Variants in FRMD4A observed in about 807,000 individuals in gnomAD.
The protein encoded by FRMD4A is FERM domain containing 4A.
Under a neutral mutation model 129.1 loss-of-function variants are expected in FRMD4A, and 29 were observed. The observed-to-expected ratio is 0.22, with a 90% CI of 0.17 to 0.31. The LOEUF (loss-of-function observed/expected upper bound fraction) is 0.31. Ranked by LOEUF, FRMD4A falls within the 10% of genes least tolerant of loss-of-function variation. The probability of loss-of-function intolerance (pLI) is 1.00; values close to 1 mark genes in which losing one functional copy is unlikely to be tolerated. For missense variants in FRMD4A, 1,272 were observed against 1,375.8 expected (o/e 0.92, Z 1.19); for synonymous variants, 634 against 571.6 (o/e 1.11, Z -1.56).
intron 2 of FRMD4A, among the ~76,000 whole-genome samples, chr10:14,291,747 A>G (rs2132076050): frequency 1.3e-5 from 2 of 152,098 alleles, no homozygotes; most frequent in Middle Eastern, 6.8e-3. Context: ...GAGTAGGAAC[A>G]AGCTAAAAAT....
Position 14,018,079 on chromosome 10 carries a change from A to G in FRMD4A, c.46-159167T>C, listed in dbSNP as rs1410386276. ...TTTTAAACCTCTATGGCACGAATGC[A>G]GTTAATAGACTGTTGACATGAAAAT... On this transcript the variant is annotated intron_variant, in intron 2 of 24. Transcript: ENST00000357447. 3.3e-5 allele frequency among the ~76,000 whole-genome samples: 5 copies of G among 152,130 alleles called. No homozygotes were observed. The East Asian group carries it at 9.6e-4, about 29-fold the overall frequency.
intron 21 of FRMD4A, among the ~76,000 whole-genome samples, chr10:13,657,952 G>A (rs1346255252): frequency 2.0e-5 from 3 of 151,644 alleles, no homozygotes; most frequent in Non-Finnish European, 4.4e-5. Flanking sequence ...ACCATCCTGT[G>A]CAACACTGTA....
chr10:14,095,434 T>G (rs1285640604), intron 2 of FRMD4A, among the ~76,000 whole-genome samples: 1 of 152,252 alleles, frequency 6.6e-6, no homozygotes, highest in East Asian at 1.9e-4. Flanking sequence ...ATGCCATTTT[T>G]ATTGTAATTT....
intron 2 of FRMD4A, among the ~76,000 whole-genome samples, chr10:14,287,634 A>G (rs2132070280): frequency 6.6e-6 from 1 of 152,262 alleles, no homozygotes; most frequent in Non-Finnish European, 1.5e-5. Context: ...TATAAATGAG[A>G]CAGTTTCTAT....
At chr10:14,089,932 A>G (rs955107214) in intron 2 of FRMD4A, among the ~76,000 whole-genome samples, 5 of 152,340 alleles carry the variant, frequency 3.3e-5, no homozygotes, top group Admixed American at 3.3e-4. Flanking sequence ...AGATTTTTTC[A>G]GGAAAATAAA....
Position 13,689,311 on chromosome 10 carries a change from G to A in FRMD4A, c.1117+4587C>T, listed in dbSNP as rs146789289. On this transcript the variant is annotated intron_variant, in intron 15 of 24. Coordinates refer to ENST00000357447, the MANE Select transcript of FRMD4A (RefSeq NM_018027.5). Reference sequence around the variant, plus strand: ...TATACCACAGAAATCTTACAGTGTTGTGACATGGCTCAGACACACCATGAT... The same window carrying A: ...TATACCACAGAAATCTTACAGTGTTATGACATGGCTCAGACACACCATGAT... 2.6e-3 allele frequency among the ~76,000 whole-genome samples: 382 copies of A among 149,324 alleles called. 2 individuals are homozygous for A. The highest frequency in any genetic ancestry group is 9.1e-3 in the African/African-American group (372 of 40,756).
intron 3 of FRMD4A, among the ~76,000 whole-genome samples, chr10:13,837,079 A>C (rs2093888622): frequency 6.7e-6 from 1 of 149,214 alleles, no homozygotes; most frequent in South Asian, 2.2e-4. Context: ...GTTCTTAAGC[A>C]AATGTGCCCA....
chr10:13,708,023 T>TTG, intron 12 of FRMD4A: 2 of 273,006 alleles, frequency 7.3e-6, no homozygotes, highest in Non-Finnish European at 1.1e-5. Flanking sequence ...GAGGTTCAAC[T>TTG]TGTGTGCACA....
At chr10:14,090,263 A>G (rs769228161) in intron 2 of FRMD4A, among the ~76,000 whole-genome samples, 2 of 152,254 alleles carry the variant, frequency 1.3e-5, no homozygotes, top group Non-Finnish European at 2.9e-5. Context: ...TTCACAGGGT[A>G]CACAGAAGTC....
chr10:14,305,726 T>C (rs555934540), intron 2 of FRMD4A, among the ~76,000 whole-genome samples: 90 of 152,124 alleles, frequency 5.9e-4, no homozygotes, highest in Non-Finnish European at 1.1e-3. Flanking sequence ...GAAATCAACC[T>C]AAATGCCCGT....
intron 9 of FRMD4A, among the ~76,000 whole-genome samples, chr10:13,741,183 C>T (rs2135054638): frequency 6.6e-6 from 1 of 151,324 alleles, no homozygotes; most frequent in East Asian, 2.0e-4. Flanking sequence ...GGTGCAGTGG[C>T]TCACCCCTGT....
chr10:14,122,063 G>T (rs941471765), intron 2 of FRMD4A, among the ~76,000 whole-genome samples: 1 of 152,158 alleles, frequency 6.6e-6, no homozygotes, highest in Non-Finnish European at 1.5e-5. Context: ...GAGAGACTTA[G>T]GTTCTAACTT....
At chr10:14,061,391 C>T (rs950971493) in intron 2 of FRMD4A, among the ~76,000 whole-genome samples, 1 of 152,082 alleles carries the variant, frequency 6.6e-6, no homozygotes, top group Non-Finnish European at 1.5e-5. Flanking sequence ...GCGGAGGTTG[C>T]AATGAGCCAA....
At chr10:13,867,159 C>A (rs1208858094) in intron 2 of FRMD4A, among the ~76,000 whole-genome samples, 1 of 152,054 alleles carries the variant, frequency 6.6e-6, no homozygotes, top group South Asian at 2.1e-4. Flanking sequence ...TGTTCATCCT[C>A]CTTATCTACT....
At chr10:13,702,232 G>A (rs964726971) in intron 13 of FRMD4A, among the ~76,000 whole-genome samples, 8 of 152,000 alleles carry the variant, frequency 5.3e-5, no homozygotes, top group African/African-American at 1.7e-4. Flanking sequence ...CCACCACTCC[G>A]GGCTACTTTT....
chr10:14,141,776 C>T (rs1420147629), intron 2 of FRMD4A, among the ~76,000 whole-genome samples: 2 of 152,124 alleles, frequency 1.3e-5, no homozygotes, highest in East Asian at 1.9e-4. Flanking sequence ...TCTCACCATG[C>T]GGTCTTTCTG....
intron 3 of FRMD4A, among the ~76,000 whole-genome samples, chr10:13,836,965 G>C (rs1234443289): frequency 6.6e-6 from 1 of 152,010 alleles, no homozygotes; most frequent in African/African-American, 2.4e-5. Context: ...CACCGTGTTA[G>C]CCAGGACGGT....
chr10:14,029,810 G>GAAAA (rs11310080), intron 2 of FRMD4A, among the ~76,000 whole-genome samples: 1 of 147,768 alleles, frequency 6.8e-6, no homozygotes. Context: ...CAGTTTACAT[G>GAAAA]AAAAAAAAAA....
chr10:14,123,888 G>A (rs529813726), intron 2 of FRMD4A, among the ~76,000 whole-genome samples: 2 of 152,218 alleles, frequency 1.3e-5, no homozygotes, highest in South Asian at 2.1e-4. Context: ...TTTAGGTAAC[G>A]TCTTGCACCT....
Sources: allele counts gnomAD v4.1 joint callset (sites outside exome capture counted in the v4.1 genomes callset), GRCh38; gene constraint gnomAD v4.1.1; transcripts MANE v1.5; gene names NCBI Gene and HGNC (gene_info 2026-07-23, HGNC 2026-07-21).